GSE1: variants seen among roughly 807,000 people sequenced by gnomAD.
The protein encoded by GSE1 is Gse1 coiled-coil protein.
GSE1 carries 32 observed loss-of-function variants against 112.6 expected under a neutral mutation model. The observed-to-expected ratio is 0.28, with a 90% CI of 0.21 to 0.38. The LOEUF is 0.38. GSE1 is among the 10% of genes least tolerant of loss of function. The pLI is 1.00. For missense variants in GSE1, 2,348 were observed against 1,699.2 expected (o/e 1.38, Z -6.71); for synonymous variants, 1,115 against 735.6 (o/e 1.52, Z -8.35).
chr16:85,605,762 A>G (rs980182225), intron 1 of GSE1, among the ~76,000 whole-genome samples: 1 of 151,922 alleles, frequency 6.6e-6, no homozygotes, highest in African/African-American at 2.4e-5. Context: ...GGGTGTTTTT[A>G]GAGGTAAGTG....
intron 1 of GSE1, among the ~76,000 whole-genome samples, chr16:85,206,053 A>G (rs1430639413): frequency 3.3e-5 from 5 of 152,126 alleles, no homozygotes; most frequent in Admixed American, 2.6e-4. Flanking sequence ...GAAGGAGAGA[A>G]ACAGGGAACA....
intron 1 of GSE1, among the ~76,000 whole-genome samples, chr16:85,338,651 C>G (rs118116068): frequency 6.6e-6 from 1 of 152,188 alleles, no homozygotes; most frequent in Non-Finnish European, 1.5e-5. Flanking sequence ...TTTTATCCAG[C>G]GGCTCCTAAA....
rs1362056859 is a variant in GSE1, at chr16:85,170,222, C to CGGA, written c.707_709dup (p.Glu236dup). 4 of 985,366 alleles carry CGGA rather than the reference C, an allele frequency of 4.1e-6. No individual in the cohort carries two copies. The African/African-American group carries it at 7.0e-5, about 17-fold the overall frequency. The allele number at this position is 985,366 out of a possible 1,614,324, so 61.0% of individuals were successfully genotyped here. On this transcript the variant is annotated inframe_insertion, in exon 1 of 3. Transcript: ENST00000637419. ...GCAGAGGCCTCGGCGCAGGGGCGCG[C>CGGA]GGAGGAGGAGGGGCTCCCCGCGAAG... is the stretch of plus-strand genomic sequence containing the variant.
At chr16:85,463,463 G>T (rs1216388016) in intron 2 of GSE1, among the ~76,000 whole-genome samples, 1 of 152,148 alleles carries the variant, frequency 6.6e-6, no homozygotes, top group Non-Finnish European at 1.5e-5. Context: ...GCACCGCAGG[G>T]CTCTGCCTTA....
At chr16:85,292,530 T>C (rs1357971290) in intron 1 of GSE1, among the ~76,000 whole-genome samples, 1 of 152,190 alleles carries the variant, frequency 6.6e-6, no homozygotes, top group Non-Finnish European at 1.5e-5. Context: ...GGTTTCACCA[T>C]GTTGGCCAGG....
chr16:85,338,528 CAAGT>C (rs2151534300), intron 1 of GSE1, among the ~76,000 whole-genome samples: 1 of 152,288 alleles, frequency 6.6e-6, no homozygotes, highest in South Asian at 2.1e-4. Context: ...GAGGATCAGG[CAAGT>C]AAGATTTGCA....
intron 1 of GSE1, among the ~76,000 whole-genome samples, chr16:85,228,199 G>C (rs1340726693): frequency 1.3e-5 from 2 of 152,248 alleles, no homozygotes; most frequent in Non-Finnish European, 2.9e-5. Context: ...CTGTCACTTG[G>C]CTCGCAGTGA....
intron 1 of GSE1, among the ~76,000 whole-genome samples, chr16:85,301,670 G>A (rs2151462024): frequency 6.6e-6 from 1 of 152,336 alleles, no homozygotes; most frequent in Middle Eastern, 3.4e-3. Context: ...TGCCATCTGT[G>A]TTTCCTTTGC....
At chr16:85,208,882 C>CGTGTTGGGGTTTGCCGT (rs978745748) in intron 1 of GSE1, among the ~76,000 whole-genome samples, 2 of 114,636 alleles carry the variant, frequency 1.7e-5, no homozygotes, top group Non-Finnish European at 3.8e-5. Flanking sequence ...GGGTTCACCA[C>CGTGTTGGGGTTTGCCGT]GTGTTGGGGT....
chr16:85,667,615 T>C (rs982782300), intron 13 of GSE1, among the ~76,000 whole-genome samples: 1 of 152,184 alleles, frequency 6.6e-6, no homozygotes, highest in Non-Finnish European at 1.5e-5. Flanking sequence ...TCCAGCACTT[T>C]AGGAGGCCAA....
chr16:85,564,692 G>A lies in GSE1; in HGVS notation c.37+8329G>A, dbSNP rs546610638. Among the ~76,000 whole-genome samples, 4 of 152,302 alleles carry A rather than the reference G, an allele frequency of 2.6e-5. No individual in the cohort carries two copies. The South Asian group carries it at 8.3e-4, about 32-fold the overall frequency. ...GTGCGTCCTTCAGAGGCACCATGGG[G>A]ACCAGAGGGTGTCCGGCAGCAGGGC... On this transcript the variant is annotated intron_variant, in intron 1 of 2. Transcript: ENST00000635906.
chr16:85,328,485 A>G (rs548265803), intron 1 of GSE1, among the ~76,000 whole-genome samples: 17 of 152,336 alleles, frequency 1.1e-4, no homozygotes, highest in Admixed American at 3.3e-4. Context: ...TAGACACTCC[A>G]GGCTCCTTTC....
At chr16:85,254,591 G>A (rs1857107673) in intron 1 of GSE1, among the ~76,000 whole-genome samples, 1 of 152,280 alleles carries the variant, frequency 6.6e-6, no homozygotes, top group East Asian at 1.9e-4. Context: ...CCACTGGGGA[G>A]GTCTTTTGGA....
At chr16:85,603,483 CAG>C (rs915058205) in intron 1 of GSE1, among the ~76,000 whole-genome samples, 1 of 152,180 alleles carries the variant, frequency 6.6e-6, no homozygotes, top group African/African-American at 2.4e-5. Flanking sequence ...CAGGGACAGG[CAG>C]AGGCCTTCAG....
chr16:85,371,485 C>A (rs1307781022), intron 2 of GSE1, among the ~76,000 whole-genome samples: 1 of 152,154 alleles, frequency 6.6e-6, no homozygotes, highest in African/African-American at 2.4e-5. Context: ...GGGACGGTGA[C>A]CTCAGGGACA....
At chr16:85,493,169 C>G (rs1373541342) in intron 2 of GSE1, among the ~76,000 whole-genome samples, 1 of 152,190 alleles carries the variant, frequency 6.6e-6, no homozygotes, top group African/African-American at 2.4e-5. Flanking sequence ...TTTGCTGTGG[C>G]AAATTCCCAT....
chr16:85,519,123 T>A (rs1211160555), intron 2 of GSE1, among the ~76,000 whole-genome samples: 2 of 152,154 alleles, frequency 1.3e-5, no homozygotes, highest in African/African-American at 4.8e-5. Context: ...TTGTGAGGGC[T>A]AAATGAGGTA....
At chr16:85,614,333 C>T (rs910058466) in intron 1 of GSE1, among the ~76,000 whole-genome samples, 6 of 152,164 alleles carry the variant, frequency 3.9e-5, no homozygotes, top group African/African-American at 1.2e-4. Flanking sequence ...CGCCCGCCCG[C>T]CTCTCTAGCA....
chr16:85,664,844 C>T (rs1020676065), intron 11 of GSE1, 171 bp from the exon 12 acceptor site: 12 of 598,464 alleles, frequency 2.0e-5, no homozygotes, highest in Middle Eastern at 4.1e-4. Flanking sequence ...AATCTGGGCT[C>T]GCTTTGAGAT....
Sources: allele counts gnomAD v4.1 joint callset (sites outside exome capture counted in the v4.1 genomes callset), GRCh38; gene constraint gnomAD v4.1.1; transcripts MANE v1.5; gene names NCBI Gene and HGNC (gene_info 2026-07-23, HGNC 2026-07-21).